Variants in HGS observed in about 807,000 individuals in gnomAD.
HGS encodes the protein human growth factor-regulated tyrosine kinase substrate.
HGS carries 63 observed loss-of-function variants against 109.7 expected under a neutral mutation model. That is an observed-to-expected ratio of 0.57 (90% CI 0.47 to 0.71). The LOEUF (loss-of-function observed/expected upper bound fraction) is 0.71, where lower values mean the gene tolerates loss of function less well. HGS is among the 30% of genes least tolerant of loss of function. The pLI is 0.00. For synonymous variants in HGS, 546 were observed against 437.3 expected (o/e 1.25, Z -3.10); for missense variants, 995 against 1,068.3 (o/e 0.93, Z 0.96).
Position 81,686,403 on chromosome 17 carries a change from T to G in HGS, c.198+16T>G, listed in dbSNP as rs1568211959. 6.2e-7 allele frequency: 1 copy of G among 1,607,188 alleles called. No individual in the cohort carries two copies. Among genetic ancestry groups the G allele is most frequent in the African/African-American group, 1.3e-5 (1 of 74,926 alleles). ...TGCCCTGGAGGTAAGCAGACCCCCG[T>G]GCCTCAGTGGCCCCCAGGGTCCCTA... On this transcript the variant is annotated intron_variant, in intron 3 of 21. Coordinates refer to ENST00000329138, the MANE Select transcript of HGS (RefSeq NM_004712.5).
Position 81,695,946 on chromosome 17 carries a change from A to G in HGS, c.1340A>G (p.Asn447Ser). Residue 447 changes from asparagine (N) to serine (S), a missense_variant, in exon 15 of 22, where the codon AAC becomes AGC. Around this residue, in one of 6 missense-constraint regions of HGS, gnomAD observed 163 missense variants for 217.8 expected, o/e 0.75. Coordinates refer to ENST00000329138, the MANE Select transcript of HGS (RefSeq NM_004712.5). ...SAVLSLFQSI[N>S]GMHPQLLELL... ...GTGCTCTCACTCTTCCAGTCCATCA[A>G]CGGCATGCACCCGCAGCTGCTGGAG... 6.3e-6 allele frequency: 10 copies of G among 1,585,522 alleles called. No individual in the cohort carries two copies. Among genetic ancestry groups the G allele is most frequent in the South Asian group, 1.1e-5 (1 of 87,376 alleles).
At chr17:81,700,415 T>C in intron 18 of HGS, 52 bp from the exon 19 acceptor site, 1 of 1,431,418 alleles carries the variant, frequency 7.0e-7, no homozygotes, top group Non-Finnish European at 9.4e-7. Context: ...TGTCCCTTCC[T>C]CTCCTCCCTG....
chr17:81,691,676 C>A lies in HGS; in HGVS notation c.662+105C>A. ...CCTGAGGCCTGCAGACCCCAGAGGA[C>A]CCTCACAGCACAGCAGCTGGAAGGT... On this transcript the variant is annotated intron_variant, in intron 8 of 21. Coordinates refer to ENST00000329138, the MANE Select transcript of HGS (RefSeq NM_004712.5). The surrounding 1 kb of genome is among the most constrained non-coding windows in gnomAD (Gnocchi z 5.3). 7.0e-7 allele frequency: 1 copy of A among 1,434,888 alleles called. No individual in the cohort carries two copies. The highest frequency in any genetic ancestry group is 9.7e-7 in the Non-Finnish European group (1 of 1,035,500). The allele number at this position is 1,434,888 out of a possible 1,614,324, so 88.9% of individuals were successfully genotyped here.
intron 18 of HGS, among the ~76,000 whole-genome samples, chr17:81,699,570 C>T (rs1393212565): frequency 2.0e-5 from 3 of 152,176 alleles, no homozygotes; most frequent in East Asian, 1.9e-4. Context: ...GGATTACAGG[C>T]GCCTGCCACC....
At position 81,701,120 on chromosome 17, in the gene HGS, A is replaced by G. The variant is rs1190264087; in HGVS notation, c.2212A>G (p.Met738Val). 4 of 1,613,602 alleles carry G rather than the reference A, an allele frequency of 2.5e-6. No homozygotes were observed. The highest frequency in any genetic ancestry group is 3.4e-6 in the Non-Finnish European group (4 of 1,179,912). Residue 738 changes from methionine (M) to valine (V), a missense_variant, in exon 21 of 22, where the codon ATG (methionine) becomes GTG (valine). Transcript: ENST00000329138. ...QQPYIAGQQP[M>V]YQQMAPSGGP... ...GCCCTACATCGCGGGGCAGCAGCCCATGTACCAGCAGGTGAGCCATTCCCG... is the reference window on the plus strand; with the variant it reads ...GCCCTACATCGCGGGGCAGCAGCCCGTGTACCAGCAGGTGAGCCATTCCCG...
chr17:81,699,972 G>A lies in HGS; in HGVS notation c.1883-495G>A, dbSNP rs186012979. Among the ~76,000 whole-genome samples, 62 of 152,182 alleles carry A rather than the reference G, an allele frequency of 4.1e-4. No individual in the cohort carries two copies. In the East Asian group the frequency reaches 0.012, roughly 29 times the overall value. On this transcript the variant is annotated intron_variant, in intron 18 of 21. Transcript: ENST00000329138. ...CGCCTGTAATCCCAGCTGCTCGGGA[G>A]GCTGAGGCAGGAGAATTGCTTCAAC...
Position 81,693,540 on chromosome 17 carries a change from C to T in HGS, c.700C>T (p.Pro234Ser), listed in dbSNP as rs150616739. Residue 234 changes from proline (P) to serine (S), a missense_variant, in exon 9 of 22, where the codon CCC becomes TCC. Physicochemically the swap from Pro to Ser is moderately conservative, Grantham distance 74. Coordinates refer to ENST00000329138, the MANE Select transcript of HGS (RefSeq NM_004712.5). ...EGKATSTTEL[P>S]PEYLTSPLSQ... ...AAAGGCCACTTCCACCACTGAGCTG[C>T]CCCCCGAGTACCTGACCAGCCCCCT... The T allele has an allele frequency of 1.4e-4, 229 of 1,612,500 alleles. No homozygotes were observed. The highest frequency in any genetic ancestry group is 3.3e-4 in the Middle Eastern group (2 of 6,068).
intron 21 of HGS, 112 bp from the exon 22 acceptor site, chr17:81,701,396 G>GT (rs2037235471): frequency 8.4e-7 from 1 of 1,192,062 alleles, no homozygotes. Context: ...GCTGCAGTCC[G>GT]TGGACATGGA....
chr17:81,688,968 G>A (rs368763596), intron 5 of HGS, 141 bp downstream of exon 5: 3 of 1,169,004 alleles, frequency 2.6e-6, no homozygotes, highest in Non-Finnish European at 2.5e-6. Context: ...CTGGAGCCAG[G>A]GAAGACCGTG....
At chr17:81,700,414 C>T (rs1486117462) in intron 18 of HGS, 53 bp from the exon 19 acceptor site, 3 of 1,482,778 alleles carry the variant, frequency 2.0e-6, no homozygotes, top group African/African-American at 1.4e-5. Flanking sequence ...GTGTCCCTTC[C>T]TCTCCTCCCT....
chr17:81,691,244 A>G lies in HGS; in HGVS notation c.538-203A>G, dbSNP rs2037060030. 5.0e-6 allele frequency: 3 copies of G among 604,246 alleles called. No homozygotes were observed. The highest frequency in any genetic ancestry group is 5.6e-5 in the East Asian group (2 of 35,660). The allele number at this position is 604,246 out of a possible 1,614,324, so 37.4% of individuals were successfully genotyped here. On this transcript the variant is annotated intron_variant, in intron 7 of 21. Transcript: ENST00000329138. This position sits in a 1 kb window ranked among gnomAD's most constrained non-coding sequence, Gnocchi z 5.3. Reference sequence around the variant, plus strand: ...ACTTTTAACTTACCTTATTTTCCCCAAAACGGTGGCTGGCGTTGAGACTCC... The same window carrying G: ...ACTTTTAACTTACCTTATTTTCCCCGAAACGGTGGCTGGCGTTGAGACTCC...
At position 81,695,367 on chromosome 17, in the gene HGS, G is replaced by T. The variant is rs185858172; in HGVS notation, c.1179+144G>T. On this transcript the variant is annotated intron_variant, in intron 14 of 21. Coordinates refer to ENST00000329138, the MANE Select transcript of HGS (RefSeq NM_004712.5). ...CCCCAGCCCAGCCCTGGCCTGCCCT[G>T]CCCTGCCCTTTGTGGCCTCTCCCAA... 4 of 846,586 alleles carry T rather than the reference G, an allele frequency of 4.7e-6. No individual in the cohort carries two copies. In the Admixed American group the frequency reaches 1.0e-4, roughly 21 times the overall value. 52.4% of individuals were successfully genotyped at this position (846,586 alleles called of 1,614,324 possible).
chr17:81,687,557 G>A (rs759180408), intron 4 of HGS, among the ~76,000 whole-genome samples: 1 of 152,204 alleles, frequency 6.6e-6, no homozygotes, highest in African/African-American at 2.4e-5. Context: ...TGTGTCTGGC[G>A]GGGATAAGAG....
At chr17:81,698,381 T>G (rs2144504290) in intron 18 of HGS, 1 of 152,342 alleles carries the variant, frequency 6.6e-6, no homozygotes, top group Non-Finnish European at 1.5e-5. Context: ...CTTCTCGGCC[T>G]TCCAAAGTGC....
rs754667490 is a variant in HGS at position 81,696,624 on chromosome 17, G to A, written c.1584G>A (p.Gln528=). ...CCGCACAGGAGTACCTGGAGGTGCA[G>A]AGGCAGCTGGCCATCCAGCGCCTGC... is the stretch of plus-strand genomic sequence containing the variant. The part of the protein sequence containing the change: ...RQKKQEYLEV[Q]RQLAIQRLQE... The change falls in exon 17 of 22, where the codon CAG becomes CAA. Residue 528 remains glutamine, a synonymous_variant. Transcript: ENST00000329138. 6 of 1,609,422 alleles carry A rather than the reference G, an allele frequency of 3.7e-6. No individual in the cohort carries two copies. The highest frequency in any genetic ancestry group is 5.1e-6 in the Non-Finnish European group (6 of 1,178,192).
At chr17:81,697,744 T>C (rs1185053713) in intron 18 of HGS, 1 of 152,218 alleles carries the variant, frequency 6.6e-6, no homozygotes, top group African/African-American at 2.4e-5. Context: ...TGCTGTTGTC[T>C]TTCCACTGGC....
chr17:81,690,285 G>T (rs546213104), intron 6 of HGS, 51 bp downstream of exon 6: 2 of 1,575,758 alleles, frequency 1.3e-6, no homozygotes, highest in African/African-American at 2.7e-5. Flanking sequence ...CTCAGGAAGC[G>T]TGAAGGGGAG....
intron 2 of HGS, 127 bp downstream of exon 2, chr17:81,685,816 G>A: frequency 1.6e-6 from 1 of 630,536 alleles, no homozygotes. Context: ...GAACTGCATG[G>A]GCTACATGCT....
intron 1 of HGS, among the ~76,000 whole-genome samples, chr17:81,684,739 A>G (rs768330673): frequency 1.3e-5 from 2 of 152,122 alleles, no homozygotes; most frequent in Non-Finnish European, 2.9e-5. Flanking sequence ...GCACGTGGAA[A>G]ATGCGTCTAA....
Sources: allele counts gnomAD v4.1 joint callset (sites outside exome capture counted in the v4.1 genomes callset), GRCh38; gene constraint gnomAD v4.1.1; regional missense constraint gnomAD v4.1.1; non-coding constraint Gnocchi (gnomAD v3.1); transcripts MANE v1.5; gene names NCBI Gene and HGNC (gene_info 2026-07-23, HGNC 2026-07-21).